MAMLD1: variants seen among roughly 807,000 people sequenced by gnomAD.
The protein encoded by MAMLD1 is mastermind-like domain-containing protein 1.
MAMLD1 carries 14 observed loss-of-function variants against 45.0 expected under a neutral mutation model. The observed-to-expected ratio is 0.31, with a 90% CI of 0.21 to 0.49. The LOEUF (loss-of-function observed/expected upper bound fraction) is 0.49, where lower values mean the gene tolerates loss of function less well. Ranked by LOEUF, MAMLD1 falls within the 20% of genes least tolerant of loss-of-function variation. MAMLD1 has a pLI of 0.99. For missense variants in MAMLD1, 543 were observed against 603.6 expected (o/e 0.90, Z 1.05); for synonymous variants, 254 against 247.8 (o/e 1.02, Z -0.24).
intron 1 of MAMLD1, among the ~76,000 whole-genome samples, chrX:150,402,567 A>G (rs1446619603): frequency 7.5e-4 from 84 of 112,226 alleles, no homozygotes; most frequent in African/African-American, 2.4e-3. Flanking sequence ...CTATCCCATT[A>G]CTGGGTATAT....
chrX:150,402,572 G>A (rs1214177601), intron 1 of MAMLD1, among the ~76,000 whole-genome samples: 2 of 111,969 alleles, frequency 1.8e-5, no homozygotes, highest in Non-Finnish European at 3.8e-5. Context: ...CCATTACTGG[G>A]TATATACCCA....
At chrX:150,496,135 G>A (rs5970303) in intron 5 of MAMLD1, among the ~76,000 whole-genome samples, 1,853 of 112,920 alleles carry the variant, frequency 0.016, 34 homozygotes, top group African/African-American at 0.056. Flanking sequence ...TCGGTTGCCC[G>A]AACATGACGG....
intron 2 of MAMLD1, among the ~76,000 whole-genome samples, chrX:150,459,214 G>C (rs191177995): frequency 9.0e-5 from 10 of 111,559 alleles, no homozygotes; most frequent in African/African-American, 2.9e-4. Flanking sequence ...GTCTGTCACT[G>C]TGTGTTCCCC....
At chrX:150,503,114 G>A (rs1392256293) in intron 5 of MAMLD1, among the ~76,000 whole-genome samples, 160 bp from the exon 6 acceptor site, 2 of 112,432 alleles carry the variant, frequency 1.8e-5, no homozygotes, top group Non-Finnish European at 3.8e-5. Context: ...CCCAAGACAA[G>A]CTAAGATCAC....
intron 5 of MAMLD1, among the ~76,000 whole-genome samples, chrX:150,482,020 GAA>G (rs1183620555): frequency 1.9e-5 from 2 of 107,415 alleles, no homozygotes; most frequent in Admixed American, 9.8e-5. Context: ...AAGAAAGAAA[GAA>G]AGAAAGAAAG....
At chrX:150,483,616 G>A (rs181027043) in intron 5 of MAMLD1, among the ~76,000 whole-genome samples, 12 of 112,554 alleles carry the variant, frequency 1.1e-4, no homozygotes, top group African/African-American at 3.9e-4. Flanking sequence ...TTTACCCACT[G>A]ACCATGATGC....
intron 3 of MAMLD1, among the ~76,000 whole-genome samples, chrX:150,463,218 A>G (rs1327215617): frequency 8.9e-6 from 1 of 112,255 alleles, no homozygotes; most frequent in Non-Finnish European, 1.9e-5. Flanking sequence ...TACTTCCTCT[A>G]TAGATCAACC....
intron 1 of MAMLD1, among the ~76,000 whole-genome samples, chrX:150,396,592 G>A (rs1387283103): frequency 1.8e-5 from 2 of 111,202 alleles, no homozygotes; most frequent in African/African-American, 6.5e-5. Flanking sequence ...TTATTTTATG[G>A]CCCAGAATGA....
intron 1 of MAMLD1, among the ~76,000 whole-genome samples, chrX:150,433,533 T>C (rs2035023327): frequency 1.8e-5 from 2 of 111,884 alleles, no homozygotes; most frequent in South Asian, 3.8e-4. Flanking sequence ...TAGTATGATG[T>C]TGGCTGTAGG....
In MAMLD1 at chrX:150,510,012, T is replaced by C. The variant is rs370348294; in HGVS notation, c.*10T>C. Reference sequence around the variant, plus strand: ...TGGCAATGACCCCTGAACGGCAGAATGCATATATCTCCCAACAGATGAGTC... The same window carrying C: ...TGGCAATGACCCCTGAACGGCAGAACGCATATATCTCCCAACAGATGAGTC... On this transcript the variant is annotated 3_prime_UTR_variant, in exon 7 of 8. Coordinates refer to ENST00000370401, the MANE Select transcript of MAMLD1 (RefSeq NM_005491.5). The C allele has an allele frequency of 4.4e-5, 53 of 1,204,621 alleles. No individual in the cohort carries two copies. In the Middle Eastern group the frequency reaches 6.9e-4, roughly 16 times the overall value.
intron 5 of MAMLD1, 144 bp from the exon 6 acceptor site, chrX:150,503,130 T>C (rs782169870): frequency 1.9e-5 from 11 of 565,088 alleles, no homozygotes; most frequent in Non-Finnish European, 3.5e-5. Flanking sequence ...ATCACAAAGC[T>C]GTTTGGTTTC....
chrX:150,440,152 G>A (rs1461644960), intron 1 of MAMLD1, among the ~76,000 whole-genome samples: 2 of 110,983 alleles, frequency 1.8e-5, no homozygotes, highest in Admixed American at 9.5e-5. Context: ...GCATATTATG[G>A]TAATATGGTG....
rs782618042 is a variant in MAMLD1 at position 150,485,434 on chromosome X, C to A, written c.2040+11632C>A. Reference sequence around the variant, plus strand: ...TAATTTTTTTGTTTACAGTTATTACCTTTGAAACCAAATCTTGACTTTCTG... The same window carrying A: ...TAATTTTTTTGTTTACAGTTATTACATTTGAAACCAAATCTTGACTTTCTG... On this transcript the variant is annotated intron_variant, in intron 5 of 7. Coordinates refer to ENST00000370401, the MANE Select transcript of MAMLD1 (RefSeq NM_005491.5). Among the ~76,000 whole-genome samples, 8 of 111,631 alleles carry A rather than the reference C, an allele frequency of 7.2e-5. No individual in the cohort carries two copies. In the South Asian group the frequency reaches 3.1e-3, roughly 43 times the overall value.
intron 1 of MAMLD1, among the ~76,000 whole-genome samples, chrX:150,391,610 G>T: frequency 9.0e-6 from 1 of 110,883 alleles, no homozygotes; most frequent in East Asian, 2.8e-4. Flanking sequence ...TAATTTGTTT[G>T]AAGTGTATTT....
chrX:150,386,120 A>G (rs1557402029), intron 1 of MAMLD1, among the ~76,000 whole-genome samples: 1 of 106,514 alleles, frequency 9.4e-6, no homozygotes, highest in Non-Finnish European at 1.9e-5. Context: ...TTTTTTTGCC[A>G]TATCCACAAC....
chrX:150,409,911 T>C (rs1557402779), intron 1 of MAMLD1, among the ~76,000 whole-genome samples: 1 of 112,679 alleles, frequency 8.9e-6, no homozygotes, highest in African/African-American at 3.2e-5. Context: ...TAACATTTTA[T>C]AAAGTAAGCT....
intron 5 of MAMLD1, among the ~76,000 whole-genome samples, chrX:150,482,022 AAGAAAG>A (rs2036827427): frequency 9.2e-6 from 1 of 109,257 alleles, no homozygotes; most frequent in African/African-American, 3.4e-5. Context: ...GAAAGAAAGA[AAGAAAG>A]AAAGAATTGA....
intron 6 of MAMLD1, among the ~76,000 whole-genome samples, chrX:150,508,773 T>C: frequency 8.9e-6 from 1 of 112,133 alleles, no homozygotes; most frequent in Non-Finnish European, 1.9e-5. Context: ...CTCTGGCATC[T>C]TCGGGGGGAC....
chrX:150,462,697 C>T, intron 2 of MAMLD1, 75 bp from the exon 3 acceptor site: 1 of 680,076 alleles, frequency 1.5e-6, no homozygotes, highest in Non-Finnish European at 2.4e-6. Context: ...CTGTGCCTCT[C>T]ACTGAGCTGG....
Sources: allele counts gnomAD v4.1 joint callset (sites outside exome capture counted in the v4.1 genomes callset), GRCh38; gene constraint gnomAD v4.1.1; transcripts MANE v1.5; gene names NCBI Gene and HGNC (gene_info 2026-07-23, HGNC 2026-07-21).